The following PLPP4 variants were observed in gnomAD, a reference collection of about 807,000 sequenced individuals.
The protein encoded by PLPP4 is phospholipid phosphatase 4.
Under a neutral mutation model 32.2 loss-of-function variants are expected in PLPP4, and 20 were observed. The ratio of observed to expected loss-of-function variants is 0.62; its 90% CI spans 0.44 to 0.90. The LOEUF (loss-of-function observed/expected upper bound fraction) is 0.90. Ranked by LOEUF, PLPP4 falls within the 40% of genes least tolerant of loss-of-function variation. PLPP4 has a pLI of 0.00. For synonymous variants in PLPP4, 127 were observed against 133.0 expected (o/e 0.95, Z 0.31); for missense variants, 257 against 353.1 (o/e 0.73, Z 2.18).
At chr10:120,557,012 T>A (rs1437483364) in intron 5 of PLPP4, among the ~76,000 whole-genome samples, 1 of 151,164 alleles carries the variant, frequency 6.6e-6, no homozygotes, top group Admixed American at 6.6e-5. Context: ...GTAACAAAAG[T>A]ATTTTATTTC....
intron 5 of PLPP4, among the ~76,000 whole-genome samples, chr10:120,574,189 C>G (rs1849098783): frequency 7.7e-6 from 1 of 129,574 alleles, no homozygotes; most frequent in African/African-American, 3.2e-5. Context: ...CTCTCTCTCT[C>G]TCTCTCTCTC....
chr10:120,558,580 C>T (rs1272702764), intron 5 of PLPP4, among the ~76,000 whole-genome samples: 3 of 151,652 alleles, frequency 2.0e-5, no homozygotes, highest in African/African-American at 7.3e-5. Flanking sequence ...CACACCTGGC[C>T]AATGTTTGTA....
chr10:120,588,368 C>T (rs1208612803), intron 6 of PLPP4, among the ~76,000 whole-genome samples: 1 of 152,150 alleles, frequency 6.6e-6, no homozygotes, highest in African/African-American at 2.4e-5. Context: ...CCTGCCTCAC[C>T]TGCTCCCCTC....
At position 120,591,733 on chromosome 10, in the gene PLPP4, C is replaced by T. The variant is rs1431825273; in HGVS notation, c.*2231C>T. On this transcript the variant is annotated 3_prime_UTR_variant, in exon 7 of 7. Coordinates refer to ENST00000398250, the MANE Select transcript of PLPP4 (RefSeq NM_001030059.3). ...TTAATAAAGACTTAAAATTCTGGAC[C>T]ATCAAGTGTAAATTTAATATAAATA... Among the ~76,000 whole-genome samples, 18 of 151,964 alleles carry T rather than the reference C, an allele frequency of 1.2e-4. No individual in the cohort carries two copies. In the East Asian group the frequency reaches 3.5e-3, roughly 29 times the overall value.
chr10:120,508,319 A>C (rs879152575), intron 2 of PLPP4, among the ~76,000 whole-genome samples: 1 of 152,154 alleles, frequency 6.6e-6, no homozygotes, highest in South Asian at 2.1e-4. Context: ...GGCCTTTTCC[A>C]AGTGTCTGAG....
intron 1 of PLPP4, among the ~76,000 whole-genome samples, chr10:120,485,926 A>G (rs1395034400): frequency 6.6e-6 from 1 of 152,122 alleles, no homozygotes; most frequent in African/African-American, 2.4e-5. Flanking sequence ...GGAGCCTAGT[A>G]AGCAGCCGGT....
intron 5 of PLPP4, among the ~76,000 whole-genome samples, chr10:120,554,162 C>A (rs923495710): frequency 5.9e-5 from 9 of 152,134 alleles, no homozygotes; most frequent in African/African-American, 2.2e-4. Flanking sequence ...AGCCAGGTTA[C>A]CCCTTGAATG....
intron 5 of PLPP4, among the ~76,000 whole-genome samples, chr10:120,527,207 T>C (rs1846438811): frequency 1.3e-5 from 2 of 152,150 alleles, no homozygotes; most frequent in Non-Finnish European, 2.9e-5. Context: ...GAAATTGTAG[T>C]GGCTGGCAAG....
chr10:120,491,883 G>A (rs1361653804), intron 1 of PLPP4, among the ~76,000 whole-genome samples: 1 of 152,120 alleles, frequency 6.6e-6, no homozygotes, highest in South Asian at 2.1e-4. Flanking sequence ...AAAAACCCAA[G>A]TGATCTCCCA....
intron 1 of PLPP4, among the ~76,000 whole-genome samples, chr10:120,462,300 G>T (rs1340091157): frequency 1.3e-5 from 2 of 152,158 alleles, no homozygotes; most frequent in Non-Finnish European, 2.9e-5. Context: ...GCCCTGCAGG[G>T]CAGGGGTCAT....
intron 6 of PLPP4, chr10:120,581,088 TGCTTTCA>T: frequency 7.9e-7 from 1 of 1,259,592 alleles, no homozygotes; most frequent in Non-Finnish European, 1.0e-6. Context: ...CTGCATATCC[TGCTTTCA>T]GCCTCAAGAG....
At chr10:120,586,859 TAGTCTGGAGGTC>T (rs1368747078) in intron 6 of PLPP4, among the ~76,000 whole-genome samples, 1 of 152,144 alleles carries the variant, frequency 6.6e-6, no homozygotes, top group Non-Finnish European at 1.5e-5. Flanking sequence ...AGACTTGGTC[TAGTCTGGAGGTC>T]AGATGAGGCT....
rs984746876 is a variant in PLPP4, at chr10:120,487,600, T to G, written c.57-16218T>G. Among the ~76,000 whole-genome samples, 4 of 152,318 alleles carry G rather than the reference T, an allele frequency of 2.6e-5. No homozygotes were observed. The South Asian group carries it at 8.3e-4, about 32-fold the overall frequency. ...CAGTTTTTTAATAGACAAGATAACC[T>G]TATAGGGTCATGGTAAGTGTGAATG... On this transcript the variant is annotated intron_variant, in intron 1 of 6. Coordinates refer to ENST00000398250, the MANE Select transcript of PLPP4 (RefSeq NM_001030059.3).
chr10:120,558,955 T>C (rs1848292914), intron 5 of PLPP4, among the ~76,000 whole-genome samples: 1 of 152,216 alleles, frequency 6.6e-6, no homozygotes, highest in Admixed American at 6.5e-5. Flanking sequence ...ACAAACTGTT[T>C]TTACACTCTC....
chr10:120,492,368 T>G lies in PLPP4; in HGVS notation c.57-11450T>G, dbSNP rs1053630074. On this transcript the variant is annotated intron_variant, in intron 1 of 6. Transcript: ENST00000398250. The stretch of plus-strand genomic sequence containing the variant: ...TGCATGTGGTTTCTGCACATTGTGT[T>G]GCTGCCAAATATGCTTACGTTTACA... 5.9e-5 allele frequency among the ~76,000 whole-genome samples: 9 copies of G among 152,368 alleles called. No individual in the cohort carries two copies. The South Asian group carries it at 6.2e-4, about 11-fold the overall frequency.
chr10:120,507,754 A>G (rs1937108594), intron 2 of PLPP4, among the ~76,000 whole-genome samples: 1 of 152,162 alleles, frequency 6.6e-6, no homozygotes, highest in Non-Finnish European at 1.5e-5. Flanking sequence ...CGTAAGGGCT[A>G]AGAAAGGGGG....
intron 5 of PLPP4, 76 bp downstream of exon 5, chr10:120,521,171 G>C: frequency 6.4e-7 from 1 of 1,559,476 alleles, no homozygotes; most frequent in Non-Finnish European, 8.7e-7. Context: ...TTTAGGTGCA[G>C]AGAAAAGCAC....
rs567828951 is a variant in PLPP4, at chr10:120,569,624, C to T, written c.446-5507C>T. ...TTTCCATCATGAGATGAAAATCTCA[C>T]ATGGCTCAGGTAGCTCAGGTATCAC... On this transcript the variant is annotated intron_variant, in intron 5 of 6. Transcript: ENST00000398250. 1.8e-4 allele frequency among the ~76,000 whole-genome samples: 27 copies of T among 152,336 alleles called. 1 individual carries two copies. In the South Asian group the frequency reaches 4.6e-3, roughly 26 times the overall value.
At chr10:120,544,583 C>T (rs930967345) in intron 5 of PLPP4, among the ~76,000 whole-genome samples, 2 of 152,212 alleles carry the variant, frequency 1.3e-5, no homozygotes, top group African/African-American at 4.8e-5. Context: ...TCACTCTTCC[C>T]TCTTCCACCT....
Sources: allele counts gnomAD v4.1 joint callset (sites outside exome capture counted in the v4.1 genomes callset), GRCh38; gene constraint gnomAD v4.1.1; transcripts MANE v1.5; gene names NCBI Gene and HGNC (gene_info 2026-07-23, HGNC 2026-07-21).